The following BRAF variants were observed in gnomAD, a reference collection of about 807,000 sequenced individuals.
BRAF encodes serine/threonine-protein kinase B-raf.
In BRAF, 16 loss-of-function variants were observed where a neutral mutation model predicts 104.6. That is an observed-to-expected ratio of 0.15 (90% CI 0.10 to 0.23). The LOEUF is 0.23. BRAF is among the 10% of genes least tolerant of loss of function. The probability of loss-of-function intolerance (pLI) is 1.00; values close to 1 mark genes in which losing one functional copy is unlikely to be tolerated. For missense variants in BRAF, 541 were observed against 937.3 expected, an observed-to-expected ratio of 0.58 and a Z score of 5.52; for synonymous variants, 310 against 341.6, an observed-to-expected ratio of 0.91 and a Z score of 1.02.
Position 140,924,569 on chromosome 7 carries a change from C to T in BRAF, c.135G>A (p.Glu45=), listed in dbSNP as rs1208767695. 1 of 1,532,238 alleles carries T rather than the reference C, an allele frequency of 6.5e-7. No homozygotes were observed. Among genetic ancestry groups the T allele is most frequent in the Admixed American group, 2.0e-5 (1 of 50,978 alleles). The allele number at this position is 1,532,238 out of a possible 1,614,324, so 94.9% of individuals were successfully genotyped here. A position where few individuals can be genotyped will look rare whatever the true frequency, so the allele number is the denominator to read the frequency against. Residue 45 remains glutamate (E), a synonymous_variant, in exon 1 of 20, where the codon GAG becomes GAA. Transcript: ENST00000644969. This position sits in a 1 kb window ranked among gnomAD's most constrained non-coding sequence, Gnocchi z 4.2. ...ASSAADPAIP[E]EVWNIKQMIK... is the part of the protein sequence containing the mutation. ...GCAGGGTGGCGCCAGCACTCACCTC[C>T]TCCGGAATGGCAGGGTCCGCAGCCG...
chr7:140,798,719 C>T (rs1802765190), intron 7 of BRAF, among the ~76,000 whole-genome samples: 1 of 151,844 alleles, frequency 6.6e-6, no homozygotes, highest in South Asian at 2.1e-4. Context: ...GTTTGGGAGG[C>T]TGAGGCAGGA....
chr7:140,800,471 C>G lies in BRAF; in HGVS notation c.871G>C (p.Val291Leu). The G allele has an allele frequency of 1.2e-6, 2 of 1,614,064 alleles. No homozygotes were observed. The highest frequency in any genetic ancestry group is 1.7e-6 in the Non-Finnish European group (2 of 1,179,978). The change falls in exon 7 of 20, where the codon GTC (valine) becomes CTC (leucine). Residue 291 changes from valine to leucine, a missense_variant. Transcript: ENST00000644969. ...VNYDQLDLLF[V>L]SKFFEHHPIP... ...GGGTGGTGTTCAAAGAACTTGGAGA[C>G]AAACAGCAAACTGTGAGGCAAAACA...
chr7:140,724,726 T>C lies in BRAF; in HGVS notation c.*1768A>G. ...GAAATTTTTAAATAACAATTTCTAATTCCTTGATTTATTCTGGGTCTTGTT... is the reference window on the plus strand; with the variant it reads ...GAAATTTTTAAATAACAATTTCTAACTCCTTGATTTATTCTGGGTCTTGTT... On this transcript the variant is annotated 3_prime_UTR_variant, in exon 20 of 20. Coordinates refer to ENST00000644969, the MANE Select transcript of BRAF (RefSeq NM_001374258.1). 9.7e-7 allele frequency: 1 copy of C among 1,033,188 alleles called. No homozygotes were observed. Among genetic ancestry groups the C allele is most frequent in the Non-Finnish European group, 1.2e-6 (1 of 858,908 alleles). The allele number at this position is 1,033,188 out of a possible 1,614,324, so 64.0% of individuals were successfully genotyped here. A position where few individuals can be genotyped will look rare whatever the true frequency, so the allele number is the denominator to read the frequency against.
At chr7:140,839,268 A>T (rs1206051854) in intron 2 of BRAF, among the ~76,000 whole-genome samples, 3 of 152,232 alleles carry the variant, frequency 2.0e-5, no homozygotes, top group African/African-American at 7.2e-5. Flanking sequence ...CGAGGCCAGG[A>T]GTTCAAGACC....
chr7:140,882,439 G>A (rs535527277), intron 1 of BRAF, among the ~76,000 whole-genome samples: 4 of 147,532 alleles, frequency 2.7e-5, no homozygotes, highest in East Asian at 2.0e-4. Context: ...GCAGAGGCAC[G>A]ATCTCGGCTC....
chr7:140,888,688 A>G (rs1189346462), intron 1 of BRAF, among the ~76,000 whole-genome samples: 1 of 152,116 alleles, frequency 6.6e-6, no homozygotes, highest in Non-Finnish European at 1.5e-5. Context: ...GTACAAAATT[A>G]GAAGGGTGCG....
At chr7:140,909,413 C>T (rs62485372) in intron 1 of BRAF, among the ~76,000 whole-genome samples, 8,479 of 151,884 alleles carry the variant, frequency 0.056, 282 homozygotes, top group South Asian at 0.11. Flanking sequence ...AGCAAAACTC[C>T]GTCACAAAAA....
chr7:140,754,124 C>T, intron 15 of BRAF, 63 bp downstream of exon 14: 1 of 1,509,354 alleles, frequency 6.6e-7, no homozygotes. Context: ...AATGTGAAGA[C>T]AAAATGCAGA....
intron 2 of BRAF, chr7:140,835,321 T>C (rs892365415): frequency 2.3e-5 from 4 of 176,898 alleles, no homozygotes; most frequent in African/African-American, 9.6e-5. Flanking sequence ...GAAAAAGAAG[T>C]TGAAAAGGAC....
intron 1 of BRAF, among the ~76,000 whole-genome samples, chr7:140,891,899 A>G (rs1814264167): frequency 6.6e-6 from 1 of 152,240 alleles, no homozygotes; most frequent in Non-Finnish European, 1.5e-5. Flanking sequence ...GTTTCAAAGA[A>G]TATTAGCATA....
At chr7:140,754,563 ACT>A (rs1453222882) in intron 14 of BRAF, among the ~76,000 whole-genome samples, 16 of 152,164 alleles carry the variant, frequency 1.1e-4, no homozygotes, top group Non-Finnish European at 2.2e-4. Flanking sequence ...TAATCCCACC[ACT>A]GTGTTCAATG....
At chr7:140,752,847 A>G (rs552703981) in intron 16 of BRAF, among the ~76,000 whole-genome samples, 4 of 152,326 alleles carry the variant, frequency 2.6e-5, no homozygotes, top group African/African-American at 9.6e-5. Context: ...CACCTGCCTT[A>G]AATTGCATAC....
intron 2 of BRAF, among the ~76,000 whole-genome samples, chr7:140,837,739 T>C (rs993827917): frequency 6.6e-6 from 1 of 152,214 alleles, no homozygotes; most frequent in Non-Finnish European, 1.5e-5. Context: ...AAAACAGTTA[T>C]TCCAATCTTC....
chr7:140,850,273 T>G, intron 1 of BRAF, 61 bp from the exon 2 acceptor site: 3 of 1,312,444 alleles, frequency 2.3e-6, no homozygotes, highest in Non-Finnish European at 3.3e-6. Context: ...TAGAAATATT[T>G]TAACATAGAC....
At chr7:140,717,787 A>G (rs1795167063), downstream of BRAF, among the ~76,000 whole-genome samples, 1 of 152,234 alleles carries the variant, frequency 6.6e-6, no homozygotes, top group South Asian at 2.1e-4. Flanking sequence ...TGTTGTAATC[A>G]CACATGAAGG....
At position 140,723,039 on chromosome 7, in the gene BRAF, T is replaced by A; in HGVS notation, c.*3455A>T. The A allele has an allele frequency of 9.5e-7, 1 of 1,051,652 alleles. No individual in the cohort carries two copies. The highest frequency in any genetic ancestry group is 1.1e-6 in the Non-Finnish European group (1 of 870,742). 65.1% of individuals were successfully genotyped at this position (1,051,652 alleles called of 1,614,324 possible). A position where few individuals can be genotyped will look rare whatever the true frequency, so the allele number is the denominator to read the frequency against. On this transcript the variant is annotated 3_prime_UTR_variant, in exon 20 of 20. Transcript: ENST00000644969. ...GTTCTAGAGCTCCTGACTTTTCATATTTTAAAATAAATAACTATTCATTAC... is the reference window on the plus strand; with the variant it reads ...GTTCTAGAGCTCCTGACTTTTCATAATTTAAAATAAATAACTATTCATTAC...
chr7:140,763,950 G>A (rs1409936158), intron 14 of BRAF, among the ~76,000 whole-genome samples: 1 of 152,148 alleles, frequency 6.6e-6, no homozygotes, highest in Admixed American at 6.5e-5. Context: ...CATTTTATGA[G>A]GCCAGAATCA....
Position 140,734,789 on chromosome 7 carries a change from AAAAAAAAG to A in BRAF, c.2248-27_2248-20del, listed in dbSNP as rs1171541479. 4 of 1,188,118 alleles carry A rather than the reference AAAAAAAAG, an allele frequency of 3.4e-6. No individual in the cohort carries two copies. Among genetic ancestry groups the A allele is most frequent in the Non-Finnish European group, 4.4e-6 (4 of 910,222 alleles). The allele number at this position is 1,188,118 out of a possible 1,614,324, so 73.6% of individuals were successfully genotyped here. A position where few individuals can be genotyped will look rare whatever the true frequency, so the allele number is the denominator to read the frequency against. On this transcript the variant is annotated intron_variant, in intron 18 of 19. Transcript: ENST00000644969. ...CGAGAATCTACAAAAAAAAAAAGAA[AAAAAAAAG>A]AAAAAAAAAGAAAAAAGAAAAAAAA...
At chr7:140,733,178 C>G (rs913356826) in intron 19 of BRAF, 1 of 152,138 alleles carries the variant, frequency 6.6e-6, no homozygotes, top group Non-Finnish European at 1.5e-5. Flanking sequence ...TGGATGACAT[C>G]TAAGTATTCA....
Sources: gnomAD v4.1 joint callset for allele counts (sites outside exome capture counted in the v4.1 genomes callset) on GRCh38, gnomAD v4.1.1 for gene constraint, Gnocchi (gnomAD v3.1) non-coding constraint, MANE v1.5 for transcripts, NCBI Gene and HGNC (gene_info 2026-07-23, HGNC 2026-07-21) for gene names.